Variants in SEMA5A observed in about 807,000 individuals in gnomAD.
The protein encoded by SEMA5A is semaphorin 5A.
A neutral mutation model predicts 135.5 loss-of-function variants in SEMA5A; 55 were observed. The ratio of observed to expected loss-of-function variants is 0.41; its 90% CI spans 0.33 to 0.51. The LOEUF is 0.51. Among genes scored for constraint, SEMA5A ranks in the 20% least tolerant of loss-of-function variants. The pLI, the probability that SEMA5A is intolerant of heterozygous loss-of-function variation, is 0.37. For missense variants in SEMA5A, 1,290 were observed against 1,419.9 expected (o/e 0.91, Z 1.47); for synonymous variants, 580 against 546.5 (o/e 1.06, Z -0.85).
At chr5:9,155,836 T>G (rs146415243) in intron 11 of SEMA5A, among the ~76,000 whole-genome samples, 25 of 152,316 alleles carry the variant, frequency 1.6e-4, no homozygotes, top group South Asian at 1.0e-3. Flanking sequence ...AAAAAATACA[T>G]AAGCAGACAT....
At chr5:9,416,434 G>A (rs1269893492) in intron 2 of SEMA5A, among the ~76,000 whole-genome samples, 1 of 152,154 alleles carries the variant, frequency 6.6e-6, no homozygotes, top group African/African-American at 2.4e-5. Context: ...GATCCAGGTG[G>A]AGGTGAGCCT....
intron 15 of SEMA5A, among the ~76,000 whole-genome samples, chr5:9,109,080 G>A (rs372809001): frequency 2.6e-5 from 3 of 114,670 alleles, no homozygotes; most frequent in East Asian, 2.9e-4. Context: ...TCGCTCTGTC[G>A]CCCAGGCTGG....
chr5:9,327,567 GTC>G (rs1374383451), intron 4 of SEMA5A, among the ~76,000 whole-genome samples: 2 of 152,232 alleles, frequency 1.3e-5, no homozygotes, highest in African/African-American at 4.8e-5. Flanking sequence ...TAGATGGATA[GTC>G]TCTTATTATT....
intron 11 of SEMA5A, among the ~76,000 whole-genome samples, chr5:9,174,503 C>T (rs928932866): frequency 6.6e-6 from 1 of 152,166 alleles, no homozygotes; most frequent in African/African-American, 2.4e-5. Context: ...TCTGTAACAC[C>T]ATTGTTACTG....
intron 5 of SEMA5A, among the ~76,000 whole-genome samples, chr5:9,298,520 A>T (rs1379791383): frequency 6.6e-6 from 1 of 152,232 alleles, no homozygotes; most frequent in Non-Finnish European, 1.5e-5. Flanking sequence ...GTAGAACAGA[A>T]GTATCACAAC....
chr5:9,353,324 A>G (rs1358507999), intron 3 of SEMA5A, among the ~76,000 whole-genome samples: 10 of 115,808 alleles, frequency 8.6e-5, no homozygotes, highest in East Asian at 2.8e-4. Context: ...GAAAGGAAGG[A>G]AAGGAAAGGA....
intron 17 of SEMA5A, among the ~76,000 whole-genome samples, chr5:9,063,846 T>G (rs1296637491): frequency 1.3e-5 from 2 of 152,194 alleles, no homozygotes; most frequent in African/African-American, 4.8e-5. Flanking sequence ...GAGGACATAT[T>G]GTGGGTGATG....
chr5:9,413,357 C>T (rs1318313778), intron 2 of SEMA5A, among the ~76,000 whole-genome samples: 3 of 152,138 alleles, frequency 2.0e-5, no homozygotes, highest in African/African-American at 7.2e-5. Flanking sequence ...TCAGAAATAA[C>T]ACACCTGGAT....
chr5:9,108,071 T>C (rs1272832265), intron 16 of SEMA5A, 69 bp downstream of exon 16: 1 of 1,548,312 alleles, frequency 6.5e-7, no homozygotes, highest in Non-Finnish European at 8.8e-7. Context: ...GTGCAGAGAA[T>C]TTTGTGTGTA....
intron 10 of SEMA5A, among the ~76,000 whole-genome samples, chr5:9,195,646 T>A (rs1201124751): frequency 6.6e-6 from 1 of 152,210 alleles, no homozygotes; most frequent in Non-Finnish European, 1.5e-5. Context: ...TGCACATAAT[T>A]TGCTCAAGGA....
Position 9,035,958 on chromosome 5 carries a change from A to C in SEMA5A, c.*6939T>G, listed in dbSNP as rs1993520. The C allele has an allele frequency of 4.9e-4, 38 of 77,786 alleles. No individual in the cohort carries two copies. Among genetic ancestry groups the C allele is most frequent in the African/African-American group, 1.7e-3 (36 of 20,640 alleles). 4.8% of individuals were successfully genotyped at this position (77,786 alleles called of 1,614,324 possible). A position where few individuals can be genotyped will look rare whatever the true frequency, so the allele number is the denominator to read the frequency against. The stretch of plus-strand genomic sequence containing the variant: ...CTGAAATTGGCTTTGGAGGAGTTTC[A>C]CAAAAAAAAAAAAAAAAAAAAATCT... On this transcript the variant is annotated 3_prime_UTR_variant, in exon 23 of 23. Coordinates refer to ENST00000382496, the MANE Select transcript of SEMA5A (RefSeq NM_003966.3).
At chr5:9,241,847 G>T (rs149211204) in intron 5 of SEMA5A, among the ~76,000 whole-genome samples, 3 of 152,160 alleles carry the variant, frequency 2.0e-5, no homozygotes, top group Admixed American at 6.5e-5. Context: ...ACACTCCACC[G>T]CCAGATAAGT....
intron 5 of SEMA5A, among the ~76,000 whole-genome samples, chr5:9,305,289 C>T (rs758004512): frequency 2.0e-5 from 3 of 152,046 alleles, no homozygotes; most frequent in Non-Finnish European, 2.9e-5. Flanking sequence ...CATATATTTT[C>T]AAAATAATCT....
intron 2 of SEMA5A, among the ~76,000 whole-genome samples, chr5:9,403,467 C>T (rs929952136): frequency 6.6e-6 from 1 of 152,168 alleles, no homozygotes; most frequent in African/African-American, 2.4e-5. Flanking sequence ...GGCTGGGTGA[C>T]TTTGGGCGAG....
chr5:9,520,431 C>T (rs1222158864), intron 1 of SEMA5A, among the ~76,000 whole-genome samples: 1 of 151,950 alleles, frequency 6.6e-6, no homozygotes, highest in Non-Finnish European at 1.5e-5. Flanking sequence ...ACGTGAGCCT[C>T]TTGAAGGACA....
intron 11 of SEMA5A, among the ~76,000 whole-genome samples, chr5:9,182,959 T>C (rs1378872855): frequency 6.6e-6 from 1 of 152,166 alleles, no homozygotes; most frequent in Non-Finnish European, 1.5e-5. Flanking sequence ...TAAACATAGC[T>C]AGAAGGCACA....
chr5:9,181,537 C>T (rs1279674839), intron 11 of SEMA5A, among the ~76,000 whole-genome samples: 1 of 152,130 alleles, frequency 6.6e-6, no homozygotes, highest in Non-Finnish European at 1.5e-5. Flanking sequence ...GCCTCCTTCC[C>T]CAGCTCACAC....
At chr5:9,504,675 T>C (rs990430460) in intron 1 of SEMA5A, among the ~76,000 whole-genome samples, 2 of 152,060 alleles carry the variant, frequency 1.3e-5, no homozygotes, top group East Asian at 1.9e-4. Context: ...TAAAGAAAAG[T>C]GAGTACATGA....
At chr5:9,146,672 C>A (rs1197012613) in intron 12 of SEMA5A, among the ~76,000 whole-genome samples, 1 of 152,182 alleles carries the variant, frequency 6.6e-6, no homozygotes, top group East Asian at 1.9e-4. Context: ...GGTGATTTTA[C>A]TTACACCAGA....
Sources: allele counts gnomAD v4.1 joint callset (sites outside exome capture counted in the v4.1 genomes callset), GRCh38; gene constraint gnomAD v4.1.1; transcripts MANE v1.5; gene names NCBI Gene and HGNC (gene_info 2026-07-23, HGNC 2026-07-21).